MYB: variants seen among roughly 807,000 people sequenced by gnomAD.
The protein encoded by MYB is transcriptional activator Myb.
Under a neutral mutation model 92.9 loss-of-function variants are expected in MYB, and 28 were observed. That is an observed-to-expected ratio of 0.30 (90% CI 0.22 to 0.41). MYB has a LOEUF of 0.41. MYB is among the 10% of genes least tolerant of loss of function. The probability of loss-of-function intolerance (pLI) is 1.00; values close to 1 mark genes in which losing one functional copy is unlikely to be tolerated. For synonymous variants in MYB, 295 were observed against 329.1 expected (o/e 0.90, Z 1.12); for missense variants, 679 against 929.3 (o/e 0.73, Z 3.50).
At chr6:135,187,974 G>A in intron 3 of MYB, 69 bp downstream of exon 3, 5 of 1,179,826 alleles carry the variant, frequency 4.2e-6, no homozygotes, top group East Asian at 2.4e-5. Flanking sequence ...AATATTCTAG[G>A]AGGAGTTATT....
rs755880888 is a variant in MYB, at chr6:135,186,072, T to TAA, written c.141+57_141+58dup. On this transcript the variant is annotated intron_variant, in intron 2 of 15. Transcript: ENST00000341911. ...GAAAATAGATAGAGTGTATAATTTA[T>TAA]AAAAAACAAAATTTCAACTAAACTA... The TAA allele has an allele frequency of 7.9e-6, 12 of 1,522,976 alleles. No homozygotes were observed. The African/African-American group carries it at 1.7e-4, about 21-fold the overall frequency. 94.3% of individuals were successfully genotyped at this position (1,522,976 alleles called of 1,614,324 possible). A position where few individuals can be genotyped will look rare whatever the true frequency, so the allele number is the denominator to read the frequency against.
intron 15 of MYB, among the ~76,000 whole-genome samples, chr6:135,205,584 T>A (rs1261555804): frequency 6.6e-6 from 1 of 151,070 alleles, no homozygotes; most frequent in African/African-American, 2.4e-5. Flanking sequence ...TATTCTCCTG[T>A]CTATCAGTGA....
At chr6:135,201,821 AG>A in intron 14 of MYB, 72 bp downstream of exon 14, 1 of 851,370 alleles carries the variant, frequency 1.2e-6, no homozygotes, top group East Asian at 3.0e-5. Context: ...TGTGTGGCAT[AG>A]GGCTGCTGCG....
intron 11 of MYB, chr6:135,199,454 ATTTG>A (rs1216265599): frequency 1.6e-4 from 71 of 453,826 alleles, no homozygotes; most frequent in Middle Eastern, 9.3e-4. Context: ...ATTTAATTTT[ATTTG>A]TTTATTATTT....
chr6:135,188,105 T>C (rs970719888), intron 3 of MYB, among the ~76,000 whole-genome samples, 200 bp downstream of exon 3: 2 of 152,182 alleles, frequency 1.3e-5, no homozygotes, highest in Non-Finnish European at 2.9e-5. Flanking sequence ...GAATCGATTA[T>C]TATAATTTAG....
At chr6:135,199,838 T>C (rs575767433) in intron 11 of MYB, among the ~76,000 whole-genome samples, 1 of 152,352 alleles carries the variant, frequency 6.6e-6, no homozygotes, top group Admixed American at 6.5e-5. Context: ...TTCAGAGCCA[T>C]TAAGGAAAGA....
rs749047464 is a variant in MYB at position 135,198,975 on chromosome 6, T to A, written c.1634T>A (p.Leu545His). 2 of 1,611,608 alleles carry A rather than the reference T, an allele frequency of 1.2e-6. No individual in the cohort carries two copies. Among genetic ancestry groups the A allele is most frequent in the South Asian group, 1.1e-5 (1 of 90,994 alleles). ...LEMPSLTSTP[L>H]IGHKLTVTTP... Reference sequence around the variant, plus strand: ...ATGCCTTCTTTAACTTCCACCCCCCTCATTGGTCACAAATTGACTGTTACA... The same window carrying A: ...ATGCCTTCTTTAACTTCCACCCCCCACATTGGTCACAAATTGACTGTTACA... The change falls in exon 11 of 16, where the codon CTC (leucine) becomes CAC (histidine). Residue 545 changes from leucine to histidine, a missense_variant. This residue lies in a region of MYB where 402 missense variants were observed against 434.2 expected (regional missense o/e 0.93). Coordinates refer to ENST00000341911, the MANE Select transcript of MYB (RefSeq NM_001130173.2).
At position 135,218,759 on chromosome 6, in the gene MYB, TTA is replaced by T. The variant is rs960219997; in HGVS notation, c.*790_*791del. 1.5e-5 allele frequency: 3 copies of T among 201,374 alleles called. No homozygotes were observed. The highest frequency in any genetic ancestry group is 2.3e-5 in the African/African-American group (1 of 43,614). The allele number at this position is 201,374 out of a possible 1,614,324, so 12.5% of individuals were successfully genotyped here. On this transcript the variant is annotated 3_prime_UTR_variant, in exon 16 of 16. Coordinates refer to ENST00000341911, the MANE Select transcript of MYB (RefSeq NM_001130173.2). ...CACTAGTATTTCAGACTTTTTAATT[TTA>T]TATATATATACATTTTTTTTCCTTC...
At position 135,193,919 on chromosome 6, in the gene MYB, G is replaced by A. The variant is rs1038873440; in HGVS notation, c.843+1G>A. 1 of 1,596,934 alleles carries A rather than the reference G, an allele frequency of 6.3e-7. No homozygotes were observed. The highest frequency in any genetic ancestry group is 8.6e-7 in the Non-Finnish European group (1 of 1,164,496). The stretch of plus-strand genomic sequence containing the variant: ...TCAGCCAGCTGCCGCAGCCATTCAG[G>A]TAAGATCATTGATCATTCACTGTTC... On this transcript the variant is annotated splice_donor_variant, in intron 7 of 15. Transcript: ENST00000341911. LOFTEE classifies it high-confidence loss of function.
intron 13 of MYB, among the ~76,000 whole-genome samples, chr6:135,201,011 A>T (rs746031509): frequency 9.2e-5 from 14 of 152,092 alleles, no homozygotes; most frequent in Non-Finnish European, 1.5e-4. Flanking sequence ...CCCGGGAGGC[A>T]GATCTTGCAG....
Position 135,190,201 on chromosome 6 carries a change from A to G in MYB, c.381A>G (p.Gly127=). 6.2e-7 allele frequency: 1 copy of G among 1,614,206 alleles called. No individual in the cohort carries two copies. Among genetic ancestry groups the G allele is most frequent in the Non-Finnish European group, 8.5e-7 (1 of 1,180,028 alleles). The change falls in exon 5 of 16, where the codon GGA becomes GGG. Residue 127 remains glycine (G), a synonymous_variant. Coordinates refer to ENST00000341911, the MANE Select transcript of MYB (RefSeq NM_001130173.2). This position sits in a 1 kb window ranked among gnomAD's most constrained non-coding sequence, Gnocchi z 4.5. ...VIAKHLKGRI[G]KQCRERWHNH... ...CCAAGCACTTAAAGGGGAGAATTGG[A>G]AAACAATGTAGGGAGAGGTGGCATA... is the stretch of plus-strand genomic sequence containing the variant.
chr6:135,201,256 G>A (rs1778047046), intron 13 of MYB, among the ~76,000 whole-genome samples: 1 of 151,954 alleles, frequency 6.6e-6, no homozygotes, highest in Non-Finnish European at 1.5e-5. Flanking sequence ...TAGTAATGGA[G>A]AATTTTACCA....
chr6:135,186,080 A>G (rs768480363), intron 2 of MYB, 60 bp downstream of exon 2: 15 of 1,456,614 alleles, frequency 1.0e-5, no homozygotes, highest in Non-Finnish European at 1.3e-5. Context: ...TATAAAAAAC[A>G]AAATTTCAAC....
At chr6:135,208,081 A>AT (rs34723585) in intron 15 of MYB, among the ~76,000 whole-genome samples, 54,116 of 135,390 alleles carry the variant, frequency 0.4, 10,314 homozygotes, top group Admixed American at 0.43. Flanking sequence ...TTTTTTTTTA[A>AT]TTTTTTTTTT....
chr6:135,199,902 G>A (rs1448201274), intron 11 of MYB, among the ~76,000 whole-genome samples, 183 bp from the exon 12 acceptor site: 1 of 152,160 alleles, frequency 6.6e-6, no homozygotes, highest in Non-Finnish European at 1.5e-5. Context: ...TGAAATATTT[G>A]AAAATATGTG....
At chr6:135,202,749 T>C (rs1778306277) in intron 14 of MYB, 2 of 341,096 alleles carry the variant, frequency 5.9e-6, no homozygotes, top group African/African-American at 2.2e-5. Context: ...CAAGATTGTA[T>C]ACCTAATAAG....
Position 135,199,000 on chromosome 6 carries a change from A to G in MYB, c.1659A>G (p.Thr553=). The G allele has an allele frequency of 6.2e-7, 1 of 1,612,440 alleles. No individual in the cohort carries two copies. Among genetic ancestry groups the G allele is most frequent in the Non-Finnish European group, 8.5e-7 (1 of 1,178,784 alleles). The stretch of plus-strand genomic sequence containing the variant: ...TCATTGGTCACAAATTGACTGTTAC[A>G]ACACCATTTCATAGAGACCAGACTG... ...TPLIGHKLTV[T]TPFHRDQTVK... The change falls in exon 11 of 16, where the codon ACA becomes ACG. Residue 553 remains threonine, a synonymous_variant. Coordinates refer to ENST00000341911, the MANE Select transcript of MYB (RefSeq NM_001130173.2).
chr6:135,195,571 C>T (rs1311775036), intron 8 of MYB, 177 bp from the exon 9 acceptor site: 1 of 657,798 alleles, frequency 1.5e-6, no homozygotes. Flanking sequence ...AAAACAGGGT[C>T]TTGCATTGAT....
chr6:135,188,061 G>T (rs1162063656), intron 3 of MYB, among the ~76,000 whole-genome samples, 156 bp downstream of exon 3: 1 of 151,952 alleles, frequency 6.6e-6, no homozygotes, highest in Non-Finnish European at 1.5e-5. Context: ...ATATTATAAT[G>T]CATATAATTA....
Sources: allele counts gnomAD v4.1 joint callset (sites outside exome capture counted in the v4.1 genomes callset), GRCh38; gene constraint gnomAD v4.1.1; regional missense constraint gnomAD v4.1.1; non-coding constraint Gnocchi (gnomAD v3.1); transcripts MANE v1.5; gene names NCBI Gene and HGNC (gene_info 2026-07-23, HGNC 2026-07-21).